Variants in SH3KBP1 observed in about 807,000 individuals in gnomAD.
SH3KBP1 encodes the protein SH3 domain containing kinase binding protein 1.
Under a neutral mutation model 50.1 loss-of-function variants are expected in SH3KBP1, and 8 were observed. The ratio of observed to expected loss-of-function variants is 0.16; its 90% CI spans 0.09 to 0.29. The LOEUF (loss-of-function observed/expected upper bound fraction) is 0.29, where lower values mean the gene tolerates loss of function less well. SH3KBP1 is among the 10% of genes least tolerant of loss of function. The pLI is 1.00. For missense variants in SH3KBP1, 377 were observed against 535.2 expected (o/e 0.70, Z 2.92); for synonymous variants, 227 against 218.6 (o/e 1.04, Z -0.34).
At chrX:19,567,539 A>T (rs2065881509) in intron 13 of SH3KBP1, among the ~76,000 whole-genome samples, 18 of 67,664 alleles carry the variant, frequency 2.7e-4, no homozygotes, top group African/African-American at 1.3e-3. Flanking sequence ...AAAAAAAAAA[A>T]AAAAAAAAAA....
chrX:19,745,820 AT>A (rs1188805233), intron 3 of SH3KBP1, among the ~76,000 whole-genome samples: 1 of 112,812 alleles, frequency 8.9e-6, no homozygotes, highest in East Asian at 2.8e-4. Context: ...AGAAAACAAG[AT>A]TGTTAAAGGT....
At chrX:19,595,680 A>C (rs2066885325) in intron 9 of SH3KBP1, among the ~76,000 whole-genome samples, 1 of 109,057 alleles carries the variant, frequency 9.2e-6, no homozygotes, top group African/African-American at 3.4e-5. Context: ...AATCAATGGC[A>C]TTCATCCCTG....
intron 8 of SH3KBP1, among the ~76,000 whole-genome samples, chrX:19,628,933 C>A (rs972261197): frequency 2.7e-5 from 3 of 110,874 alleles, no homozygotes; most frequent in African/African-American, 9.8e-5. Flanking sequence ...CCCGTCTCTA[C>A]TAGAAATACA....
chrX:19,687,685 G>A, intron 5 of SH3KBP1: 1 of 1,203,163 alleles, frequency 8.3e-7, no homozygotes, highest in Non-Finnish European at 1.1e-6. Context: ...TTCAAAGGTA[G>A]TCTTTCCTGA....
chrX:19,542,299 C>G (rs938142141), intron 15 of SH3KBP1, 106 bp from the exon 16 acceptor site: 1 of 781,128 alleles, frequency 1.3e-6, no homozygotes, highest in Non-Finnish European at 1.8e-6. Flanking sequence ...CCGCCTCTCT[C>G]CACACACTCC....
intron 12 of SH3KBP1, among the ~76,000 whole-genome samples, chrX:19,582,069 G>A (rs995819078): frequency 3.6e-5 from 4 of 111,351 alleles, no homozygotes; most frequent in African/African-American, 1.3e-4. Flanking sequence ...GCCTATCTTC[G>A]AAAGCAATTC....
At chrX:19,599,714 A>G (rs895133066) in intron 9 of SH3KBP1, among the ~76,000 whole-genome samples, 1 of 111,953 alleles carries the variant, frequency 8.9e-6, no homozygotes, top group Middle Eastern at 4.6e-3. Context: ...AAAGGAGAAA[A>G]GATGCCATAT....
At chrX:19,631,716 T>G (rs990607906) in intron 8 of SH3KBP1, 148 bp downstream of exon 8, 1 of 366,137 alleles carries the variant, frequency 2.7e-6, no homozygotes, top group Non-Finnish European at 4.9e-6. Flanking sequence ...GGGCTTAGCT[T>G]GATCAAAAGG....
intron 13 of SH3KBP1, among the ~76,000 whole-genome samples, chrX:19,563,433 G>A: frequency 8.9e-6 from 1 of 112,151 alleles, no homozygotes; most frequent in Non-Finnish European, 1.9e-5. Context: ...ATCCACAGAA[G>A]CTGTTCTGAA....
chrX:19,698,959 G>A (rs2063484230), intron 4 of SH3KBP1, among the ~76,000 whole-genome samples: 1 of 111,983 alleles, frequency 8.9e-6, no homozygotes, highest in South Asian at 3.7e-4. Flanking sequence ...GGGGCCTAAA[G>A]AGCCCTGATT....
intron 14 of SH3KBP1, 97 bp from the exon 15 acceptor site, chrX:19,546,147 C>T: frequency 1.0e-6 from 1 of 993,545 alleles, no homozygotes; most frequent in South Asian, 2.2e-5. Flanking sequence ...GCACTCGACA[C>T]TGCTATTTTG....
intron 6 of SH3KBP1, among the ~76,000 whole-genome samples, chrX:19,656,394 T>C (rs964308439): frequency 2.7e-5 from 3 of 111,349 alleles, no homozygotes; most frequent in Non-Finnish European, 3.8e-5. Flanking sequence ...GGCAGTAAAA[T>C]TAAAGATGAA....
intron 3 of SH3KBP1, among the ~76,000 whole-genome samples, chrX:19,717,111 AAACACAGTGGAAAG>A (rs1160265432): frequency 7.2e-5 from 8 of 111,006 alleles, no homozygotes; most frequent in African/African-American, 2.6e-4. Context: ...ACAGCTGGAA[AAACACAGTGGAAAG>A]AATTACACAC....
In SH3KBP1 at chrX:19,854,806, C is replaced by T. The variant is rs111372828; in HGVS notation, c.5-18524G>A. On this transcript the variant is annotated intron_variant, in intron 1 of 17. Transcript: ENST00000397821. ...TCCCAACTCTTTACATCACAAAGTG[C>T]CCTCCAATCTCTTGGTCTGAGGTCA... is the stretch of plus-strand genomic sequence containing the variant. Among the ~76,000 whole-genome samples the T allele has an allele frequency of 2.7e-3, 302 of 111,024 alleles. 2 individuals are homozygous for T. Among genetic ancestry groups the T allele is most frequent in the African/African-American group, 9.3e-3 (285 of 30,515 alleles).
At chrX:19,874,527 C>A (rs2069181891) in intron 1 of SH3KBP1, among the ~76,000 whole-genome samples, 1 of 92,015 alleles carries the variant, frequency 1.1e-5, no homozygotes, top group African/African-American at 4.2e-5. Flanking sequence ...TTAGTAAGAA[C>A]AGGAGAGGAA....
At chrX:19,696,345 G>A (rs1192561751) in intron 4 of SH3KBP1, among the ~76,000 whole-genome samples, 1 of 111,646 alleles carries the variant, frequency 9.0e-6, no homozygotes, top group Non-Finnish European at 1.9e-5. Flanking sequence ...ACTGAGAATG[G>A]TTTCCCCAGA....
intron 1 of SH3KBP1, among the ~76,000 whole-genome samples, chrX:19,859,880 C>T (rs2068739807): frequency 9.0e-6 from 1 of 111,496 alleles, no homozygotes; most frequent in Non-Finnish European, 1.9e-5. Context: ...CTGTGAAAGC[C>T]TCAGTCAGGG....
At chrX:19,688,789 C>G (rs1383908566) in intron 5 of SH3KBP1, among the ~76,000 whole-genome samples, 8 of 111,763 alleles carry the variant, frequency 7.2e-5, no homozygotes, top group Non-Finnish European at 1.5e-4. Flanking sequence ...AATATTCAAA[C>G]TGGAGGCCAG....
chrX:19,635,761 C>T (rs1379549301), intron 7 of SH3KBP1, among the ~76,000 whole-genome samples: 1 of 110,570 alleles, frequency 9.0e-6, no homozygotes. Context: ...TACAAGTAAG[C>T]CCAACCACCC....
Sources: gnomAD v4.1 joint callset for allele counts (sites outside exome capture counted in the v4.1 genomes callset) on GRCh38, gnomAD v4.1.1 for gene constraint, MANE v1.5 for transcripts, NCBI Gene and HGNC (gene_info 2026-07-23, HGNC 2026-07-21) for gene names.